SPIDR: variants seen among roughly 807,000 people sequenced by gnomAD.
SPIDR encodes the protein DNA repair-scaffolding protein.
A neutral mutation model predicts 104.6 loss-of-function variants in SPIDR; 93 were observed. The ratio of observed to expected loss-of-function variants is 0.89; its 90% CI spans 0.75 to 1.06. The LOEUF is 1.06. Ranked by LOEUF, SPIDR falls within the 50% of genes least tolerant of loss-of-function variation. The pLI is 0.00. For synonymous variants in SPIDR, 431 were observed against 416.9 expected, an observed-to-expected ratio of 1.03 and a Z score of -0.41; for missense variants, 1,154 against 1,111.2, an observed-to-expected ratio of 1.04 and a Z score of -0.55.
intron 8 of SPIDR, among the ~76,000 whole-genome samples, chr8:47,489,112 C>T (rs1322556109): frequency 6.6e-6 from 1 of 152,222 alleles, no homozygotes; most frequent in Non-Finnish European, 1.5e-5. Context: ...CCCATCGTCT[C>T]ACCCCAAAAT....
chr8:47,286,882 T>G (rs949365668), intron 3 of SPIDR, among the ~76,000 whole-genome samples: 1 of 152,214 alleles, frequency 6.6e-6, no homozygotes, highest in East Asian at 1.9e-4. Flanking sequence ...GTTTGTTCTT[T>G]CATGTTCTTT....
At chr8:47,303,322 G>A (rs2042540255) in intron 5 of SPIDR, among the ~76,000 whole-genome samples, 1 of 152,184 alleles carries the variant, frequency 6.6e-6, no homozygotes. Context: ...GGAGTGACCC[G>A]ATTTTCCAGG....
intron 7 of SPIDR, among the ~76,000 whole-genome samples, chr8:47,431,581 G>A (rs538907060): frequency 3.3e-5 from 5 of 152,304 alleles, no homozygotes; most frequent in African/African-American, 4.8e-5. Context: ...CCCTGGAGGC[G>A]GAGGTGCTCA....
chr8:47,686,990 G>C (rs1224447699), intron 11 of SPIDR, among the ~76,000 whole-genome samples: 1 of 151,014 alleles, frequency 6.6e-6, no homozygotes, highest in Non-Finnish European at 1.5e-5. Flanking sequence ...AAAATAATTA[G>C]CTTTTAAAAA....
chr8:47,670,606 T>A (rs569992065), intron 10 of SPIDR, among the ~76,000 whole-genome samples: 14 of 152,184 alleles, frequency 9.2e-5, no homozygotes, highest in Non-Finnish European at 2.1e-4. Context: ...ATATTCCCTG[T>A]TTCTGTTCTT....
At chr8:47,310,677 G>A (rs1554584479) in intron 5 of SPIDR, among the ~76,000 whole-genome samples, 2 of 152,116 alleles carry the variant, frequency 1.3e-5, no homozygotes, top group African/African-American at 4.8e-5. Flanking sequence ...GACAGAGTTA[G>A]GGGTGACTCT....
intron 5 of SPIDR, among the ~76,000 whole-genome samples, chr8:47,353,204 A>T (rs1344492728): frequency 6.6e-6 from 1 of 152,074 alleles, no homozygotes; most frequent in East Asian, 1.9e-4. Flanking sequence ...TTTTTTCTGA[A>T]AGTGTGTAGA....
intron 5 of SPIDR, among the ~76,000 whole-genome samples, chr8:47,386,920 T>G (rs1482573172): frequency 9.8e-5 from 9 of 91,436 alleles, no homozygotes; most frequent in East Asian, 3.0e-4. Flanking sequence ...GATATAGATA[T>G]AGATATAGAT....
chr8:47,321,472 A>G (rs995558120), intron 5 of SPIDR, among the ~76,000 whole-genome samples: 11 of 152,244 alleles, frequency 7.2e-5, no homozygotes, highest in African/African-American at 2.7e-4. Context: ...AGAACATTCC[A>G]TGCTCATGGA....
rs1554717438 is a variant in SPIDR at position 47,466,900 on chromosome 8, AAT to A, written c.1097+26372_1097+26373del. Among the ~76,000 whole-genome samples the A allele has an allele frequency of 1.7e-3, 190 of 114,330 alleles. 2 individuals are homozygous for A. The highest frequency in any genetic ancestry group is 3.9e-3 in the Admixed American group (41 of 10,604). 75.0% of individuals were successfully genotyped at this position (114,330 alleles called of 152,430 possible). ...TTAGTTTTTTTTGAAAAAAAAAAAA[AAT>A]ATATATATATATAGATAGATAGATA... is the stretch of plus-strand genomic sequence containing the variant. On this transcript the variant is annotated intron_variant, in intron 8 of 19. Coordinates refer to ENST00000297423, the MANE Select transcript of SPIDR (RefSeq NM_001080394.4).
chr8:47,597,956 C>T (rs139265393), intron 9 of SPIDR, among the ~76,000 whole-genome samples: 3 of 152,228 alleles, frequency 2.0e-5, no homozygotes, highest in African/African-American at 4.8e-5. Flanking sequence ...AGGAAGAATA[C>T]GAAAGAAAAG....
intron 6 of SPIDR, among the ~76,000 whole-genome samples, chr8:47,405,914 A>C (rs192115373): frequency 1.2e-4 from 18 of 152,316 alleles, no homozygotes; most frequent in African/African-American, 4.3e-4. Context: ...ACAGGCCCTA[A>C]TGGCCAAACT....
At chr8:47,508,569 C>G (rs1743173078) in intron 8 of SPIDR, among the ~76,000 whole-genome samples, 1 of 152,194 alleles carries the variant, frequency 6.6e-6, no homozygotes, top group Admixed American at 6.5e-5. Context: ...TGCCGTGTTG[C>G]TTTCGGTTGC....
chr8:47,569,899 G>A (rs1047221633), intron 8 of SPIDR, among the ~76,000 whole-genome samples: 5 of 151,992 alleles, frequency 3.3e-5, no homozygotes, highest in African/African-American at 9.7e-5. Context: ...GGCACCAAAA[G>A]GAATAAAATA....
intron 16 of SPIDR, among the ~76,000 whole-genome samples, chr8:47,715,964 CTT>C (rs965625857): frequency 1.7e-4 from 21 of 127,076 alleles, no homozygotes; most frequent in South Asian, 2.6e-4. Context: ...TCTCTTTTTT[CTT>C]TTTTTTTTTT....
At chr8:47,712,098 A>G (rs2081972354) in intron 14 of SPIDR, among the ~76,000 whole-genome samples, 1 of 152,240 alleles carries the variant, frequency 6.6e-6, no homozygotes. Context: ...GCAGAATACC[A>G]GTCTAATGGA....
At chr8:47,393,268 T>C (rs532418042) in intron 5 of SPIDR, among the ~76,000 whole-genome samples, 2 of 152,302 alleles carry the variant, frequency 1.3e-5, no homozygotes, top group Admixed American at 1.3e-4. Flanking sequence ...TGTTATTGCA[T>C]CCTTTTCCTC....
intron 8 of SPIDR, among the ~76,000 whole-genome samples, chr8:47,582,750 C>T (rs1191945817): frequency 6.6e-6 from 1 of 151,786 alleles, no homozygotes; most frequent in African/African-American, 2.4e-5. Flanking sequence ...AATCCTAACA[C>T]TTTCGGAGGC....
intron 8 of SPIDR, among the ~76,000 whole-genome samples, chr8:47,447,649 A>G (rs782732299): frequency 6.6e-6 from 1 of 152,202 alleles, no homozygotes; most frequent in African/African-American, 2.4e-5. Context: ...ATTTACTGCA[A>G]TTCTGAAAGA....
Sources: gnomAD v4.1 joint callset for allele counts (sites outside exome capture counted in the v4.1 genomes callset) on GRCh38, gnomAD v4.1.1 for gene constraint, MANE v1.5 for transcripts, NCBI Gene and HGNC (gene_info 2026-07-23, HGNC 2026-07-21) for gene names.